CDH4: variants seen among roughly 807,000 people sequenced by gnomAD.
The protein encoded by CDH4 is cadherin 4.
Under a neutral mutation model 86.0 loss-of-function variants are expected in CDH4, and 33 were observed. The observed-to-expected ratio is 0.38, with a 90% confidence interval of 0.29 to 0.51. The LOEUF (loss-of-function observed/expected upper bound fraction) is 0.51, where lower values mean the gene tolerates loss of function less well. Ranked by LOEUF, CDH4 falls within the 20% of genes least tolerant of loss-of-function variation. CDH4 has a pLI of 0.86. For synonymous variants in CDH4, 555 were observed against 549.4 expected (o/e 1.01, Z -0.14); for missense variants, 1,114 against 1,307.4 (o/e 0.85, Z 2.28).
chr20:61,614,490 G>A (rs1445946531), intron 2 of CDH4, among the ~76,000 whole-genome samples: 1 of 152,044 alleles, frequency 6.6e-6, no homozygotes, highest in African/African-American at 2.4e-5. Flanking sequence ...GGTGTCCTGG[G>A]AACCGTCAGT....
At chr20:61,319,648 A>G (rs1223666589) in intron 2 of CDH4, among the ~76,000 whole-genome samples, 1 of 152,164 alleles carries the variant, frequency 6.6e-6, no homozygotes, top group Non-Finnish European at 1.5e-5. Context: ...TCAATTATAC[A>G]AGATGAATAA....
intron 3 of CDH4, among the ~76,000 whole-genome samples, chr20:61,749,659 G>T (rs1393055096): frequency 6.6e-6 from 1 of 152,170 alleles, no homozygotes; most frequent in Non-Finnish European, 1.5e-5. Context: ...AAAATCACAT[G>T]GAAATTAGTG....
intron 7 of CDH4, among the ~76,000 whole-genome samples, chr20:61,886,581 C>T (rs941256788): frequency 1.3e-5 from 2 of 152,354 alleles, no homozygotes; most frequent in South Asian, 2.1e-4. Flanking sequence ...CGCCCAGACA[C>T]CTCCATCGAG....
At chr20:61,690,083 G>A (rs2087636527) in intron 2 of CDH4, among the ~76,000 whole-genome samples, 1 of 148,120 alleles carries the variant, frequency 6.8e-6, no homozygotes, top group Non-Finnish European at 1.5e-5. Flanking sequence ...GAGGTGATGT[G>A]GATTCTGACA....
intron 2 of CDH4, among the ~76,000 whole-genome samples, chr20:61,358,741 A>G (rs2084767273): frequency 6.6e-6 from 1 of 152,194 alleles, no homozygotes; most frequent in African/African-American, 2.4e-5. Context: ...GCTTCAGGCA[A>G]CAGTGATCCC....
chr20:61,923,174 G>C (rs2055002322), intron 9 of CDH4, among the ~76,000 whole-genome samples: 2 of 152,236 alleles, frequency 1.3e-5, no homozygotes, highest in Admixed American at 1.3e-4. Context: ...GCCCCCCCAG[G>C]AGGAGCCCAG....
intron 2 of CDH4, among the ~76,000 whole-genome samples, chr20:61,454,028 G>A (rs1320314749): frequency 1.3e-5 from 2 of 152,210 alleles, no homozygotes; most frequent in Non-Finnish European, 2.9e-5. Context: ...CTGTGGAACT[G>A]TGAGTCAATT....
Position 61,844,701 on chromosome 20 carries a change from C to T in CDH4, c.610C>T (p.Arg204Trp), listed in dbSNP as rs751431226. ...CGACAAAGACAATGACATCCCCATC[C>T]GGTACAGCATCACGGGAGTGGGCGC... ...RSDKDNDIPI[R>W]YSITGVGADQ... The change falls in exon 5 of 16, where the codon CGG (arginine) becomes TGG (tryptophan). Residue 204 changes from arginine to tryptophan, a missense_variant. Transcript: ENST00000614565. 4 of 1,613,682 alleles carry T rather than the reference C, an allele frequency of 2.5e-6. No homozygotes were observed. Among genetic ancestry groups the T allele is most frequent in the Non-Finnish European group, 2.5e-6 (3 of 1,179,694 alleles).
rs556095243 is a variant in CDH4, at chr20:61,460,565, G to C, written c.169+205628G>C. The stretch of plus-strand genomic sequence containing the variant: ...GTTTGGGGATAAGGGCCTTGGGCCA[G>C]GAGGTGGTCTGCTGAGGCTGCAAAG... On this transcript the variant is annotated intron_variant, in intron 2 of 15. Transcript: ENST00000614565. Among the ~76,000 whole-genome samples, 3 of 152,342 alleles carry C rather than the reference G, an allele frequency of 2.0e-5. No individual in the cohort carries two copies. The East Asian group carries it at 5.8e-4, about 29-fold the overall frequency.
intron 13 of CDH4, among the ~76,000 whole-genome samples, chr20:61,930,563 C>T (rs1480679046): frequency 2.0e-5 from 3 of 152,168 alleles, no homozygotes; most frequent in Admixed American, 6.5e-5. Flanking sequence ...ACCACAGGGT[C>T]CCCCACCACG....
intron 8 of CDH4, among the ~76,000 whole-genome samples, chr20:61,908,674 G>A (rs2054818513): frequency 6.6e-6 from 1 of 152,152 alleles, no homozygotes; most frequent in Non-Finnish European, 1.5e-5. Context: ...GGTGGCCGTG[G>A]GACATCGCCC....
intron 2 of CDH4, among the ~76,000 whole-genome samples, chr20:61,478,608 G>A (rs191439500): frequency 2.6e-5 from 4 of 152,304 alleles, no homozygotes; most frequent in Admixed American, 2.0e-4. Context: ...GATGTGTGTT[G>A]GGCATCATGT....
chr20:61,283,058 GGC>G (rs1169281422), intron 2 of CDH4, among the ~76,000 whole-genome samples: 1 of 3,970 alleles, frequency 2.5e-4, no homozygotes, highest in Non-Finnish European at 5.0e-4. Flanking sequence ...CGCGTGCTGT[GGC>G]GTGTGTGATG....
At chr20:61,608,002 C>A (rs2086657920) in intron 2 of CDH4, among the ~76,000 whole-genome samples, 1 of 152,144 alleles carries the variant, frequency 6.6e-6, no homozygotes. Context: ...TCCTAGAACC[C>A]TGCCCTTGTT....
chr20:61,319,196 ATAT>A (rs1228623903), intron 2 of CDH4, among the ~76,000 whole-genome samples: 2 of 144,150 alleles, frequency 1.4e-5, no homozygotes, highest in East Asian at 4.4e-4. Flanking sequence ...GTTATAATAA[ATAT>A]TATAATATAT....
intron 6 of CDH4, among the ~76,000 whole-genome samples, chr20:61,862,995 C>T (rs6089288): frequency 0.91 from 138,739 of 152,174 alleles, 64,558 homozygotes; most frequent in East Asian, 1. Context: ...GGTTAATGCA[C>T]AGATGGCACT....
intron 7 of CDH4, among the ~76,000 whole-genome samples, chr20:61,883,924 C>T (rs1984413957): frequency 6.6e-6 from 1 of 152,180 alleles, no homozygotes; most frequent in South Asian, 2.1e-4. Flanking sequence ...GCAAGAGGGT[C>T]CCAGCATCCC....
At chr20:61,753,294 G>C (rs1396926544) in intron 3 of CDH4, among the ~76,000 whole-genome samples, 1 of 152,062 alleles carries the variant, frequency 6.6e-6, no homozygotes, top group Non-Finnish European at 1.5e-5. Flanking sequence ...TTCAAGTGCC[G>C]CCTCCTCTGT....
At position 61,910,452 on chromosome 20, in the gene CDH4, G is replaced by C. The variant is rs757594437; in HGVS notation, c.1219G>C (p.Glu407Gln). Residue 407 changes from glutamate to glutamine, a missense_variant, in exon 9 of 16, where the codon GAG becomes CAG. By Grantham distance (29) the Glu-to-Gln change is conservative. Around this residue, in one of 3 missense-constraint regions of CDH4, gnomAD observed 705 missense variants for 914.1 expected, o/e 0.77. Transcript: ENST00000614565. ...AGGGGAGGTCCCCGAAAACCGCGTG[G>C]AGACCGTGGTCGCAAACCTCACGGT... ...FAGEVPENRVETVVANLTVMD... is the reference protein window; with the variant it reads ...FAGEVPENRVQTVVANLTVMD... 3 of 1,613,762 alleles carry C rather than the reference G, an allele frequency of 1.9e-6. No homozygotes were observed. The highest frequency in any genetic ancestry group is 3.3e-5 in the Admixed American group (2 of 60,030).
Sources: gnomAD v4.1 joint callset for allele counts (sites outside exome capture counted in the v4.1 genomes callset) on GRCh38, gnomAD v4.1.1 for gene constraint, gnomAD v4.1.1 regional missense constraint, MANE v1.5 for transcripts, NCBI Gene and HGNC (gene_info 2026-07-23, HGNC 2026-07-21) for gene names.